PTPRZ1: variants seen among roughly 807,000 people sequenced by gnomAD.
PTPRZ1 encodes the protein receptor-type tyrosine-protein phosphatase zeta.
In PTPRZ1, 82 loss-of-function variants were observed where a neutral mutation model predicts 214.1. The observed-to-expected ratio is 0.38, with a 90% CI of 0.32 to 0.46. The LOEUF is 0.46. PTPRZ1 is among the 20% of genes least tolerant of loss of function. The pLI, the probability that PTPRZ1 is intolerant of heterozygous loss-of-function variation, is 1.00. For synonymous variants in PTPRZ1, 945 were observed against 987.9 expected (o/e 0.96, Z 0.81); for missense variants, 2,603 against 2,748.7 (o/e 0.95, Z 1.19).
At chr7:121,899,075 C>T (rs913317868) in intron 1 of PTPRZ1, among the ~76,000 whole-genome samples, 2 of 152,140 alleles carry the variant, frequency 1.3e-5, no homozygotes, top group African/African-American at 4.8e-5. Context: ...TTCCATCTCT[C>T]AGCTGGTCTT....
At chr7:121,898,132 C>A (rs1304511718) in intron 1 of PTPRZ1, among the ~76,000 whole-genome samples, 1 of 151,622 alleles carries the variant, frequency 6.6e-6, no homozygotes, top group Admixed American at 6.6e-5. Context: ...CCTCTCGGTG[C>A]AAAAACAAAA....
chr7:121,988,724 T>G (rs569339436), intron 8 of PTPRZ1, among the ~76,000 whole-genome samples: 1 of 152,322 alleles, frequency 6.6e-6, no homozygotes, highest in Non-Finnish European at 1.5e-5. Flanking sequence ...TGGCCAAAGC[T>G]TACTCATGTC....
chr7:121,975,983 T>C (rs527605192), intron 4 of PTPRZ1, among the ~76,000 whole-genome samples, 190 bp from the exon 5 acceptor site: 1 of 152,324 alleles, frequency 6.6e-6, no homozygotes, highest in East Asian at 1.9e-4. Flanking sequence ...AATCTCAAAA[T>C]GGTCATTTTG....
At chr7:121,991,699 T>G (rs1376797659) in intron 8 of PTPRZ1, among the ~76,000 whole-genome samples, 1 of 152,224 alleles carries the variant, frequency 6.6e-6, no homozygotes, top group Non-Finnish European at 1.5e-5. Context: ...ATTGAACTGT[T>G]GATGAAGTCA....
rs564787925 is a variant in PTPRZ1 at position 121,967,852 on chromosome 7, A to G, written c.125-99A>G. ...CAAAGATGTCAAACATTTTTCTACT[A>G]TTGCATCTATTTTTATGTAATGTAT... On this transcript the variant is annotated intron_variant, in intron 2 of 29. Transcript: ENST00000393386. 5.5e-4 allele frequency: 443 copies of G among 805,164 alleles called. 10 individuals carry two copies. In the Admixed American group the frequency reaches 0.013, roughly 24 times the overall value. 49.9% of individuals were successfully genotyped at this position (805,164 alleles called of 1,614,324 possible).
intron 1 of PTPRZ1, chr7:121,908,353 C>CTCGGTGGTCGCAG: frequency 3.2e-6 from 1 of 312,218 alleles, no homozygotes; most frequent in Non-Finnish European, 6.1e-6. Flanking sequence ...ATGTGTAGAT[C>CTCGGTGGTCGCAG]AATCCCTTTG....
chr7:121,997,404 G>T (rs1798175708), intron 9 of PTPRZ1, among the ~76,000 whole-genome samples: 2 of 151,948 alleles, frequency 1.3e-5, no homozygotes, highest in South Asian at 4.2e-4. Context: ...ACAATGACCT[G>T]GGAAAATCGT....
intron 2 of PTPRZ1, among the ~76,000 whole-genome samples, chr7:121,960,942 A>ATTTT: frequency 6.9e-6 from 1 of 145,980 alleles, no homozygotes; most frequent in African/African-American, 2.5e-5. Context: ...TCACTGAAGC[A>ATTTT]TTTTTTTTTT....
intron 1 of PTPRZ1, chr7:121,908,372 TATC>T: frequency 9.6e-6 from 3 of 313,186 alleles, no homozygotes; most frequent in South Asian, 8.6e-5. Flanking sequence ...TGGAAAAGAA[TATC>T]AACTATACAT....
intron 8 of PTPRZ1, among the ~76,000 whole-genome samples, chr7:121,985,480 G>A (rs1246740463): frequency 6.6e-6 from 1 of 152,166 alleles, no homozygotes; most frequent in Non-Finnish European, 1.5e-5. Context: ...TAGTCTTAGT[G>A]CTTAAGCCTC....
intron 1 of PTPRZ1, among the ~76,000 whole-genome samples, chr7:121,921,326 A>G (rs1310847475): frequency 6.6e-6 from 1 of 152,142 alleles, no homozygotes; most frequent in Non-Finnish European, 1.5e-5. Context: ...AAGCATGTCC[A>G]GTGTCTAAGA....
intron 2 of PTPRZ1, among the ~76,000 whole-genome samples, chr7:121,947,046 C>T (rs776563042): frequency 4.6e-5 from 7 of 152,016 alleles, no homozygotes; most frequent in African/African-American, 1.2e-4. Context: ...AATATCTGAA[C>T]GAAGCATAAG....
intron 15 of PTPRZ1, 43 bp from the exon 16 acceptor site, chr7:122,034,052 G>A (rs1799463931): frequency 1.3e-6 from 2 of 1,543,134 alleles, no homozygotes; most frequent in Non-Finnish European, 1.8e-6. Context: ...GTGTGCTGTG[G>A]AATTTGATTT....
chr7:121,928,090 G>A (rs985157631), intron 1 of PTPRZ1, 66 bp from the exon 2 acceptor site: 2 of 1,092,910 alleles, frequency 1.8e-6, no homozygotes, highest in Non-Finnish European at 2.8e-6. Flanking sequence ...TGAATAATTT[G>A]GGCATCTTTT....
intron 2 of PTPRZ1, among the ~76,000 whole-genome samples, chr7:121,930,492 A>G (rs1795888701): frequency 6.6e-6 from 1 of 152,176 alleles, no homozygotes; most frequent in Admixed American, 6.5e-5. Flanking sequence ...TTGTTGGACC[A>G]AAGGGCCTAC....
intron 21 of PTPRZ1, among the ~76,000 whole-genome samples, chr7:122,041,777 A>G (rs189361562): frequency 7.9e-5 from 12 of 152,364 alleles, no homozygotes; most frequent in Non-Finnish European, 1.5e-4. Flanking sequence ...TATATAGCTT[A>G]TCTAACACAT....
Position 121,928,227 on chromosome 7 carries a change from C to T in PTPRZ1, c.124+6C>T. On this transcript the variant is annotated splice_donor_region_variant and intron_variant, in intron 2 of 29. Coordinates refer to ENST00000393386, the MANE Select transcript of PTPRZ1 (RefSeq NM_002851.3). Reference sequence around the variant, plus strand: ...GATTGGCTGGTCCTATACAGGTAAACATATTACTTATATAATGAGATTTAG... The same window carrying T: ...GATTGGCTGGTCCTATACAGGTAAATATATTACTTATATAATGAGATTTAG... 6.3e-7 allele frequency: 1 copy of T among 1,583,740 alleles called. No individual in the cohort carries two copies. Among genetic ancestry groups the T allele is most frequent in the Non-Finnish European group, 8.6e-7 (1 of 1,157,992 alleles).
chr7:121,986,577 A>G (rs1022117833), intron 8 of PTPRZ1, among the ~76,000 whole-genome samples: 1 of 152,196 alleles, frequency 6.6e-6, no homozygotes, highest in Admixed American at 6.5e-5. Flanking sequence ...ATTTTCTTGA[A>G]TGGAGCTTGT....
rs757380062 is a variant in PTPRZ1, at chr7:121,889,594, TAAAAC to T, written c.58+16043_58+16047del. Among the ~76,000 whole-genome samples the T allele has an allele frequency of 8.5e-5, 13 of 152,168 alleles. No homozygotes were observed. In the Middle Eastern group the frequency reaches 0.01, roughly 119 times the overall value. On this transcript the variant is annotated intron_variant, in intron 1 of 29. Coordinates refer to ENST00000393386, the MANE Select transcript of PTPRZ1 (RefSeq NM_002851.3). ...TATTATTTCTACCATTAGAGAAAAA[TAAAAC>T]AAAACCAAAAACTCCTCTCTTGACT...
Sources: allele counts gnomAD v4.1 joint callset (sites outside exome capture counted in the v4.1 genomes callset), GRCh38; gene constraint gnomAD v4.1.1; transcripts MANE v1.5; gene names NCBI Gene and HGNC (gene_info 2026-07-23, HGNC 2026-07-21).